GALNT10: variants seen among roughly 807,000 people sequenced by gnomAD.
GALNT10 encodes GalNAc transferase 10.
In GALNT10, 41 loss-of-function variants were observed where a neutral mutation model predicts 75.0. That is an observed-to-expected ratio of 0.55 (90% CI 0.43 to 0.71). The LOEUF (loss-of-function observed/expected upper bound fraction) is 0.71, where lower values mean the gene tolerates loss of function less well. GALNT10 is among the 30% of genes least tolerant of loss of function. The pLI is 0.00. For synonymous variants in GALNT10, 302 were observed against 313.0 expected, an observed-to-expected ratio of 0.96 and a Z score of 0.37; for missense variants, 727 against 818.5, an observed-to-expected ratio of 0.89 and a Z score of 1.36.
intron 1 of GALNT10, among the ~76,000 whole-genome samples, chr5:154,227,152 C>A (rs540951606): frequency 1.3e-5 from 2 of 152,266 alleles, no homozygotes; most frequent in South Asian, 4.1e-4. Context: ...CCGTGAAATT[C>A]ATGTACAAGT....
intron 1 of GALNT10, among the ~76,000 whole-genome samples, chr5:154,273,835 T>G (rs1337413848): frequency 6.6e-6 from 1 of 152,232 alleles, no homozygotes; most frequent in Non-Finnish European, 1.5e-5. Context: ...TTTAAAGCAG[T>G]GGAACACTTT....
chr5:154,276,496 T>C (rs1225725070), intron 1 of GALNT10, among the ~76,000 whole-genome samples: 1 of 152,164 alleles, frequency 6.6e-6, no homozygotes, highest in Non-Finnish European at 1.5e-5. Context: ...GCCATATAAC[T>C]TGATGTAATC....
chr5:154,295,695 A>C (rs749729860), intron 2 of GALNT10, among the ~76,000 whole-genome samples: 9 of 152,188 alleles, frequency 5.9e-5, no homozygotes, highest in Non-Finnish European at 1.2e-4. Context: ...CTCTGATGCC[A>C]CTTACAGCCA....
chr5:154,215,900 A>G (rs1332568776), intron 1 of GALNT10, among the ~76,000 whole-genome samples: 1 of 152,200 alleles, frequency 6.6e-6, no homozygotes, highest in Non-Finnish European at 1.5e-5. Context: ...GAGCATCTGC[A>G]TACCTTTCTG....
At chr5:154,230,442 T>G (rs930578180) in intron 1 of GALNT10, among the ~76,000 whole-genome samples, 9 of 152,134 alleles carry the variant, frequency 5.9e-5, no homozygotes, top group African/African-American at 2.2e-4. Context: ...AGTAGAAAAT[T>G]CCTGGGCCCT....
intron 3 of GALNT10, among the ~76,000 whole-genome samples, chr5:154,323,367 A>G (rs925654747): frequency 6.6e-6 from 1 of 151,318 alleles, no homozygotes; most frequent in Non-Finnish European, 1.5e-5. Context: ...GTAAGACCCC[A>G]TTTCAAAAAA....
chr5:154,347,344 G>A (rs947250522), intron 4 of GALNT10: 1 of 409,394 alleles, frequency 2.4e-6, no homozygotes, highest in African/African-American at 2.3e-5. Flanking sequence ...TACCTCCTAT[G>A]TGGTGATAGG....
chr5:154,278,551 A>G (rs941216150), intron 1 of GALNT10, among the ~76,000 whole-genome samples: 3 of 152,212 alleles, frequency 2.0e-5, no homozygotes, highest in Non-Finnish European at 2.9e-5. Context: ...GTATTTTTTT[A>G]TTGTGCTAAA....
At chr5:154,302,866 C>G (rs1754380956) in intron 3 of GALNT10, among the ~76,000 whole-genome samples, 1 of 152,080 alleles carries the variant, frequency 6.6e-6, no homozygotes, top group Non-Finnish European at 1.5e-5. Flanking sequence ...TATTGAGTAC[C>G]TTTACATCCC....
intron 1 of GALNT10, among the ~76,000 whole-genome samples, chr5:154,274,921 A>G (rs763513025): frequency 6.6e-6 from 1 of 152,006 alleles, no homozygotes; most frequent in Non-Finnish European, 1.5e-5. Flanking sequence ...CAGCCATCAT[A>G]TTTCTGCAGT....
At chr5:154,364,258 A>G (rs1007541793) in intron 4 of GALNT10, among the ~76,000 whole-genome samples, 1 of 152,230 alleles carries the variant, frequency 6.6e-6, no homozygotes, top group Non-Finnish European at 1.5e-5. Context: ...ATGGTTCTGG[A>G]AAGGTTGGTT....
At chr5:154,316,563 A>T (rs1754595992) in intron 3 of GALNT10, among the ~76,000 whole-genome samples, 1 of 152,200 alleles carries the variant, frequency 6.6e-6, no homozygotes, top group Non-Finnish European at 1.5e-5. Flanking sequence ...ATACACAGGA[A>T]GGCAGAAAGA....
chr5:154,306,323 G>A (rs1015732335), intron 3 of GALNT10, among the ~76,000 whole-genome samples: 9 of 152,022 alleles, frequency 5.9e-5, no homozygotes, highest in Non-Finnish European at 1.5e-5. Flanking sequence ...GTGATACAAA[G>A]TATCACTCTA....
At chr5:154,209,564 A>C (rs1775163153) in intron 1 of GALNT10, among the ~76,000 whole-genome samples, 1 of 152,142 alleles carries the variant, frequency 6.6e-6, no homozygotes. Context: ...GTTCTTGCGG[A>C]GGGCTCTCTT....
intron 1 of GALNT10, among the ~76,000 whole-genome samples, chr5:154,200,867 T>C (rs555199682): frequency 6.6e-6 from 1 of 152,340 alleles, no homozygotes; most frequent in Non-Finnish European, 1.5e-5. Context: ...TGAACAGTGA[T>C]GGCCCATAGA....
At chr5:154,242,509 G>A (rs1314212474) in intron 1 of GALNT10, among the ~76,000 whole-genome samples, 1 of 152,150 alleles carries the variant, frequency 6.6e-6, no homozygotes, top group Non-Finnish European at 1.5e-5. Context: ...ATCTGCCCAG[G>A]CAGCTTTTCC....
chr5:154,337,506 G>A (rs1419193672), intron 4 of GALNT10: 2 of 732,946 alleles, frequency 2.7e-6, no homozygotes, highest in Admixed American at 3.5e-5. Context: ...GCTGGTACTA[G>A]AACTGCCATA....
Position 154,325,061 on chromosome 5 carries a change from A to G in GALNT10, c.402-4511A>G, listed in dbSNP as rs544213291. 2.6e-5 allele frequency among the ~76,000 whole-genome samples: 4 copies of G among 152,328 alleles called. No homozygotes were observed. In the Middle Eastern group the frequency reaches 0.01, roughly 389 times the overall value. ...TGACTTGGGAACCATGTAAATATTT[A>G]ATATAATTATAAAAACAAGATTAAG... On this transcript the variant is annotated intron_variant, in intron 3 of 11. Transcript: ENST00000297107.
At chr5:154,275,683 G>A (rs1753939232) in intron 1 of GALNT10, among the ~76,000 whole-genome samples, 1 of 152,212 alleles carries the variant, frequency 6.6e-6, no homozygotes, top group South Asian at 2.1e-4. Flanking sequence ...TGGTGAGGTG[G>A]TGCTGGCTGT....
Sources: allele counts gnomAD v4.1 joint callset (sites outside exome capture counted in the v4.1 genomes callset), GRCh38; gene constraint gnomAD v4.1.1; transcripts MANE v1.5; gene names NCBI Gene and HGNC (gene_info 2026-07-23, HGNC 2026-07-21).